The following LRRTM4 variants were observed in gnomAD, a reference collection of about 807,000 sequenced individuals.
LRRTM4 encodes the protein leucine rich repeat transmembrane neuronal 4, also known as leucine-rich repeat transmembrane neuronal protein 4.
LRRTM4 carries 25 observed loss-of-function variants against 47.6 expected under a neutral mutation model. The observed-to-expected ratio is 0.53, with a 90% CI of 0.38 to 0.73. LRRTM4 has a LOEUF of 0.73. Ranked by LOEUF, LRRTM4 falls within the 30% of genes least tolerant of loss-of-function variation. The probability of loss-of-function intolerance (pLI) is 0.00; values close to 1 mark genes in which losing one functional copy is unlikely to be tolerated. For synonymous variants in LRRTM4, 311 were observed against 269.5 expected, an observed-to-expected ratio of 1.15 and a Z score of -1.51; for missense variants, 638 against 713.4, an observed-to-expected ratio of 0.89 and a Z score of 1.20.
chr2:77,499,142 A>G (rs1678473682), intron 3 of LRRTM4, among the ~76,000 whole-genome samples: 1 of 151,884 alleles, frequency 6.6e-6, no homozygotes, highest in East Asian at 1.9e-4. Context: ...TGGAGACACC[A>G]TTGGTTGTCA....
intron 3 of LRRTM4, among the ~76,000 whole-genome samples, chr2:77,078,814 A>G (rs1680434241): frequency 6.6e-6 from 1 of 152,152 alleles, no homozygotes. Context: ...CTAACAAAAT[A>G]CTATAGACTG....
rs1461053823 is a variant in LRRTM4 at position 76,748,780 on chromosome 2, A to G, written c.1688T>C (p.Leu563Pro). 2 of 1,613,978 alleles carry G rather than the reference A, an allele frequency of 1.2e-6. No homozygotes were observed. Among genetic ancestry groups the G allele is most frequent in the Admixed American group, 3.3e-5 (2 of 60,014 alleles). Residue 563 changes from leucine (L) to proline (P), a missense_variant, in exon 4 of 4, where the codon CTG (leucine) becomes CCG (proline). By Grantham distance (98) the Leu-to-Pro change is moderately conservative. Coordinates refer to ENST00000409884, the MANE Select transcript of LRRTM4 (RefSeq NM_001134745.3). Reference sequence around the variant, plus strand: ...GAAGCTGTGGTCTCGGCCCAGCTCCAGGCCGGGGCTTTCGTCCTGCTCTGG... The same window carrying G: ...GAAGCTGTGGTCTCGGCCCAGCTCCGGGCCGGGGCTTTCGTCCTGCTCTGG... ...VSPEQDESPG[L>P]ELGRDHSFIA... is the part of the protein sequence containing the mutation.
At chr2:76,772,263 G>C (rs1285571942) in intron 3 of LRRTM4, among the ~76,000 whole-genome samples, 1 of 152,224 alleles carries the variant, frequency 6.6e-6, no homozygotes, top group Admixed American at 6.5e-5. Context: ...GAGGACATCA[G>C]ATCAGCCACC....
chr2:77,116,134 G>C (rs899187903), intron 3 of LRRTM4, among the ~76,000 whole-genome samples: 1 of 152,108 alleles, frequency 6.6e-6, no homozygotes, highest in African/African-American at 2.4e-5. Flanking sequence ...GATTTGTAGT[G>C]TCAACGTTTA....
chr2:76,789,237 T>G (rs1674840605), intron 3 of LRRTM4, among the ~76,000 whole-genome samples: 1 of 152,152 alleles, frequency 6.6e-6, no homozygotes, highest in African/African-American at 2.4e-5. Context: ...GTGCTAGCAG[T>G]GGCAGTGATG....
At position 77,370,536 on chromosome 2, in the gene LRRTM4, G is replaced by A. The variant is rs574595982; in HGVS notation, c.1551+147782C>T. ...TAAATGAGAGAATATTTATATGGCT[G>A]CTGAGCAAAAATGAAAAAAAAATGA... On this transcript the variant is annotated intron_variant, in intron 3 of 3. Transcript: ENST00000409884. Among the ~76,000 whole-genome samples the A allele has an allele frequency of 3.3e-5, 5 of 151,526 alleles. No homozygotes were observed. The South Asian group carries it at 8.3e-4, about 25-fold the overall frequency.
intron 3 of LRRTM4, among the ~76,000 whole-genome samples, chr2:76,942,863 G>T (rs561334207): frequency 6.6e-6 from 1 of 152,164 alleles, no homozygotes; most frequent in East Asian, 1.9e-4. Context: ...TCCATAAAAT[G>T]ATATGATCTT....
At chr2:76,890,973 G>C (rs1673234208) in intron 3 of LRRTM4, among the ~76,000 whole-genome samples, 1 of 151,822 alleles carries the variant, frequency 6.6e-6, no homozygotes. Flanking sequence ...AATTAGAGAA[G>C]ATCTGAGACT....
chr2:77,088,288 T>C (rs13400677), intron 3 of LRRTM4, among the ~76,000 whole-genome samples: 27,080 of 152,022 alleles, frequency 0.18, 3,724 homozygotes, highest in East Asian at 0.42. Flanking sequence ...TACGCCCAGA[T>C]GGCCTGAAGT....
intron 3 of LRRTM4, among the ~76,000 whole-genome samples, chr2:76,911,649 G>C (rs1451363167): frequency 6.6e-6 from 1 of 152,068 alleles, no homozygotes; most frequent in Non-Finnish European, 1.5e-5. Context: ...AAGAGCCAGA[G>C]AGAGAAGAGG....
chr2:77,438,333 A>G (rs970207447), intron 3 of LRRTM4, among the ~76,000 whole-genome samples: 1 of 151,730 alleles, frequency 6.6e-6, no homozygotes, highest in African/African-American at 2.4e-5. Context: ...GGGTGGAAAT[A>G]ATAGTGTGTC....
At chr2:77,372,525 T>C (rs1409872317) in intron 3 of LRRTM4, among the ~76,000 whole-genome samples, 1 of 151,858 alleles carries the variant, frequency 6.6e-6, no homozygotes, top group Non-Finnish European at 1.5e-5. Flanking sequence ...TAATAAATCA[T>C]AAATCACCTG....
At chr2:77,311,660 A>T (rs1451358908) in intron 3 of LRRTM4, among the ~76,000 whole-genome samples, 1 of 152,206 alleles carries the variant, frequency 6.6e-6, no homozygotes, top group Non-Finnish European at 1.5e-5. Flanking sequence ...AGCAGGTGTG[A>T]TGCTGATCTG....
chr2:77,442,490 A>G (rs1675883008), intron 3 of LRRTM4, among the ~76,000 whole-genome samples: 1 of 152,204 alleles, frequency 6.6e-6, no homozygotes, highest in South Asian at 2.1e-4. Flanking sequence ...TATGATTTAT[A>G]CCACCTACAA....
At chr2:77,365,965 ATAAT>A (rs1373916461) in intron 3 of LRRTM4, among the ~76,000 whole-genome samples, 1 of 149,810 alleles carries the variant, frequency 6.7e-6, no homozygotes, top group Non-Finnish European at 1.5e-5. Flanking sequence ...TAAAATCTAA[ATAAT>A]TAATTTCTAC....
At chr2:77,393,183 A>G (rs564347051) in intron 3 of LRRTM4, among the ~76,000 whole-genome samples, 1 of 152,084 alleles carries the variant, frequency 6.6e-6, no homozygotes, top group Non-Finnish European at 1.5e-5. Context: ...ACACACTTAA[A>G]AGAACTGTCA....
chr2:77,354,590 G>A (rs1298425931), intron 3 of LRRTM4, among the ~76,000 whole-genome samples: 1 of 152,092 alleles, frequency 6.6e-6, no homozygotes, highest in East Asian at 1.9e-4. Flanking sequence ...AGACTGGTAA[G>A]GGAGTCACAG....
intron 3 of LRRTM4, among the ~76,000 whole-genome samples, chr2:76,912,861 C>A (rs893409069): frequency 3.3e-5 from 5 of 152,196 alleles, no homozygotes; most frequent in South Asian, 2.1e-4. Context: ...CACCCTTTGC[C>A]TTCCACCAAG....
intron 3 of LRRTM4, among the ~76,000 whole-genome samples, chr2:76,785,647 G>C (rs1430229615): frequency 6.6e-6 from 1 of 152,108 alleles, no homozygotes; most frequent in African/African-American, 2.4e-5. Context: ...TAAGTAGCTA[G>C]ATAGTATATG....
Sources: allele counts gnomAD v4.1 joint callset (sites outside exome capture counted in the v4.1 genomes callset), GRCh38; gene constraint gnomAD v4.1.1; transcripts MANE v1.5; gene names NCBI Gene and HGNC (gene_info 2026-07-23, HGNC 2026-07-21).